The following NBPF12 variants were observed in gnomAD, a reference collection of about 807,000 sequenced individuals.
The protein encoded by NBPF12 is NBPF family member NBPF12.
NBPF12 carries 115 observed loss-of-function variants against 146.4 expected under a neutral mutation model. The observed-to-expected ratio is 0.79, with a 90% CI of 0.68 to 0.92. The LOEUF (loss-of-function observed/expected upper bound fraction) is 0.92, where lower values mean the gene tolerates loss of function less well. Ranked by LOEUF, NBPF12 falls within the 40% of genes least tolerant of loss-of-function variation. NBPF12 has a pLI of 0.00. For missense variants in NBPF12, 1,205 were observed against 1,326.8 expected (o/e 0.91, Z 1.43); for synonymous variants, 385 against 508.9 (o/e 0.76, Z 3.28).
chr1:146,964,129 G>T (rs1465783651), intron 6 of NBPF12, among the ~76,000 whole-genome samples: 1 of 145,408 alleles, frequency 6.9e-6, no homozygotes, highest in East Asian at 2.0e-4. Context: ...GGAAGCAAAA[G>T]GTCTTTTCAG....
chr1:146,976,810 A>T (rs1657065009), intron 16 of NBPF12, 119 bp from the exon 20 acceptor site: 1 of 564,422 alleles, frequency 1.8e-6, no homozygotes, highest in Non-Finnish European at 3.2e-6. Flanking sequence ...AAAACATGAG[A>T]GTTTTCAGTT....
At chr1:146,938,971 A>G (rs1654652990) in exon 1 of NBPF12, 2 of 152,206 alleles carry the variant, frequency 1.3e-5, no homozygotes, top group African/African-American at 2.4e-5. Flanking sequence ...AAGTCCACCC[A>G]GCGTTCCGGA....
rs1219287646 is a variant in NBPF12, at chr1:146,974,428, TG to T, written c.1802-308del. Among the ~76,000 whole-genome samples the T allele has an allele frequency of 6.3e-4, 85 of 135,222 alleles. 6 individuals carry two copies. The highest frequency in any genetic ancestry group is 2.4e-3 in the African/African-American group (83 of 34,578). The allele number at this position is 135,222 out of a possible 152,430, so 88.7% of individuals were successfully genotyped here. ...GTTTTAGAGGAGAGGCTGCAAGTCT[TG>T]GGAAAGTGGCCCCGAATTCAGAGTC... On this transcript the variant is annotated intron_variant, in intron 14 of 33. Coordinates refer to ENST00000617844, the Ensembl canonical transcript of NBPF12.
At chr1:146,952,873 C>T (rs1655386763) in intron 2 of NBPF12, among the ~76,000 whole-genome samples, 2 of 151,460 alleles carry the variant, frequency 1.3e-5, no homozygotes, top group African/African-American at 2.4e-5. Context: ...ATAGCTGCAT[C>T]TGTCTATTAC....
At chr1:146,938,356 G>A (rs1173906486), upstream of NBPF12, among the ~76,000 whole-genome samples, 14 of 152,126 alleles carry the variant, frequency 9.2e-5, no homozygotes, top group Non-Finnish European at 1.8e-4. Flanking sequence ...GCGGCAGCGC[G>A]AAGCCTGCAG....
chr1:146,953,788 C>G (rs1436852462), intron 2 of NBPF12, among the ~76,000 whole-genome samples: 2 of 147,684 alleles, frequency 1.4e-5, no homozygotes, highest in Non-Finnish European at 3.0e-5. Context: ...AGTAGAATAC[C>G]TGTTGTTACT....
chr1:146,989,213 A>G (rs1657986328), intron 27 of NBPF12, among the ~76,000 whole-genome samples: 1 of 132,780 alleles, frequency 7.5e-6, no homozygotes, highest in East Asian at 2.1e-4. Flanking sequence ...TATTTTATGG[A>G]AAACTATTGA....
intron 2 of NBPF12, among the ~76,000 whole-genome samples, chr1:146,953,529 TATC>T (rs1158171621): frequency 1.4e-5 from 2 of 143,778 alleles, no homozygotes; most frequent in African/African-American, 5.3e-5. Flanking sequence ...ATTTAAAAAA[TATC>T]ATTTTATATA....
At chr1:146,969,289 T>C in intron 10 of NBPF12, 93 bp from the exon 14 acceptor site, 1 of 710,240 alleles carries the variant, frequency 1.4e-6, no homozygotes, top group South Asian at 1.8e-5. Flanking sequence ...GGAGGTCTCC[T>C]TGAGGACATT....
At chr1:146,962,576 G>A (rs1375238974) in intron 5 of NBPF12, among the ~76,000 whole-genome samples, 1,914 of 151,680 alleles carry the variant, frequency 0.013, 47 homozygotes, top group African/African-American at 0.044. Context: ...GTGTGCTATT[G>A]CCACCCCACT....
At position 146,972,879 on chromosome 1, in the gene NBPF12, A is replaced by G. The variant is rs1553886807; in HGVS notation, c.1720A>G (p.Lys574Glu). The change falls in exon 14 of 34, where the codon AAA becomes GAA. Residue 574 changes from lysine to glutamate, a missense_variant. Physicochemically the swap from Lys to Glu is moderately conservative, Grantham distance 56. Around this residue, in one of 16 missense-constraint regions of NBPF12, gnomAD observed 278 missense variants for 203.1 expected, o/e 1.37. Coordinates refer to ENST00000617844, the Ensembl canonical transcript of NBPF12. ...GTTGCGCCCCCAGCTGGCAGAGAAG[A>G]AACAGCAGTTCAGAAGCCTCAAAGA... 2.9e-3 allele frequency: 3,326 copies of G among 1,137,610 alleles called. 42 individuals carry two copies. The highest frequency in any genetic ancestry group is 0.01 in the Middle Eastern group (42 of 4,024). The allele number at this position is 1,137,610 out of a possible 1,614,324, so 70.5% of individuals were successfully genotyped here.
At chr1:146,948,474 T>C (rs1655171580), upstream of NBPF12, among the ~76,000 whole-genome samples, 1 of 151,704 alleles carries the variant, frequency 6.6e-6, no homozygotes, top group Non-Finnish European at 1.5e-5. Flanking sequence ...AGACATGGGC[T>C]GTGTCAACTC....
chr1:146,976,694 C>G (rs1657056392), intron 16 of NBPF12, among the ~76,000 whole-genome samples: 2 of 151,744 alleles, frequency 1.3e-5, no homozygotes. Flanking sequence ...ATATGGGAAG[C>G]AAAAGATCTT....
intron 1 of NBPF12, among the ~76,000 whole-genome samples, 129 bp downstream of exon 1, chr1:146,939,141 A>G (rs1477642121): frequency 6.6e-6 from 1 of 151,912 alleles, no homozygotes; most frequent in Admixed American, 6.5e-5. Flanking sequence ...GCCGGGGCCT[A>G]AGTTCCCTGC....
rs1263005277 is a variant in NBPF12, at chr1:146,942,336, T to C, written c.-821-955T>C. ...TATTTTTCTAATTTAAAACAGGTAC[T>C]AAAATTTCTTACAGCTATTATTTGT... On this transcript the variant is annotated intron_variant, in intron 1 of 35. Transcript: ENST00000617931. Among the ~76,000 whole-genome samples the C allele has an allele frequency of 2.2e-4, 33 of 149,776 alleles. 1 individual carries two copies. The highest frequency in any genetic ancestry group is 7.6e-4 in the African/African-American group (31 of 40,684).
At position 146,978,578 on chromosome 1, in the gene NBPF12, G is replaced by A. The variant is rs1553887653; in HGVS notation, c.2399-381G>A. 4.6e-5 allele frequency among the ~76,000 whole-genome samples: 7 copies of A among 151,330 alleles called. No homozygotes were observed. The Admixed American group carries it at 4.6e-4, about 10-fold the overall frequency. On this transcript the variant is annotated intron_variant, in intron 18 of 33. Transcript: ENST00000617844. ...TTGTTCAAATTTATCTATCAGTCGT[G>A]TTTCATGTATAGATGCCTCTAAACA... is the stretch of plus-strand genomic sequence containing the variant.
exon 12 of NBPF12, chr1:146,970,653 A>G (rs1377224198): frequency 2.0e-6 from 3 of 1,514,660 alleles, no homozygotes; most frequent in Non-Finnish European, 2.7e-6. Flanking sequence ...ATAGAAAATG[A>G]TGAAGATGAG....
upstream of NBPF12, among the ~76,000 whole-genome samples, chr1:146,945,517 C>T (rs1285610707): frequency 5.3e-5 from 8 of 151,942 alleles, no homozygotes; most frequent in Non-Finnish European, 5.9e-5. Flanking sequence ...TTGAAATCTC[C>T]AACTGCTCTG....
chr1:146,987,632 CTCCCTCA>C, intron 25 of NBPF12, among the ~76,000 whole-genome samples: 1 of 152,198 alleles, frequency 6.6e-6, no homozygotes, highest in East Asian at 1.9e-4. Flanking sequence ...TGTCCTGTTA[CTCCCTCA>C]TCAGTGTGTC....
Sources: gnomAD v4.1 joint callset for allele counts (sites outside exome capture counted in the v4.1 genomes callset) on GRCh38, gnomAD v4.1.1 for gene constraint, gnomAD v4.1.1 regional missense constraint, MANE v1.5 for transcripts, NCBI Gene and HGNC (gene_info 2026-07-23, HGNC 2026-07-21) for gene names.